The following DBNL variants were observed in gnomAD, a reference collection of about 807,000 sequenced individuals.
The protein encoded by DBNL is drebrin like, also known as drebrin-like protein.
DBNL carries 35 observed loss-of-function variants against 62.2 expected under a neutral mutation model. That is an observed-to-expected ratio of 0.56 (90% CI 0.43 to 0.75). DBNL has a LOEUF of 0.75. Among genes scored for constraint, DBNL ranks in the 30% least tolerant of loss-of-function variants. DBNL has a pLI of 0.00. For synonymous variants in DBNL, 197 were observed against 218.0 expected, an observed-to-expected ratio of 0.90 and a Z score of 0.85; for missense variants, 495 against 578.4, an observed-to-expected ratio of 0.86 and a Z score of 1.48.
At position 44,065,494 on chromosome 7, in the gene DBNL, G is replaced by A. The variant is rs369660945; in HGVS notation, c.*4578G>A. ...GGTTCTCCTGGTTCCATGTGCTCTC[G>A]CCGTGCCGGACCATCACGAGGCGGT... is the stretch of plus-strand genomic sequence containing the variant. On this transcript the variant is annotated 3_prime_UTR_variant, in exon 13 of 13. Coordinates refer to ENST00000448521, the MANE Select transcript of DBNL (RefSeq NM_001014436.3). 3.5e-5 allele frequency: 57 copies of A among 1,613,910 alleles called. No homozygotes were observed. In the Middle Eastern group the frequency reaches 1.3e-3, roughly 37 times the overall value.
intron 8 of DBNL, chr7:44,058,684 G>T: frequency 1.2e-6 from 1 of 833,090 alleles, no homozygotes; most frequent in Non-Finnish European, 1.9e-6. Flanking sequence ...ACCTGGTCCT[G>T]GGGGAGGCCC....
chr7:44,064,448 C>T lies in DBNL; in HGVS notation c.*3532C>T, dbSNP rs79731102. ...TACCAGGGGGAGCTCCCCACCACCC[C>T]GGAAAAGGGAGAGGCCCAGAGATGG... On this transcript the variant is annotated 3_prime_UTR_variant, in exon 13 of 13. Coordinates refer to ENST00000448521, the MANE Select transcript of DBNL (RefSeq NM_001014436.3). The T allele has an allele frequency of 1.2e-4, 37 of 313,742 alleles. No homozygotes were observed. In the East Asian group the frequency reaches 3.2e-3, roughly 27 times the overall value. 19.4% of individuals were successfully genotyped at this position (313,742 alleles called of 1,614,324 possible).
chr7:44,046,666 A>G (rs2096117816), intron 1 of DBNL, among the ~76,000 whole-genome samples: 2 of 152,208 alleles, frequency 1.3e-5, no homozygotes. Flanking sequence ...GTCACTCAGC[A>G]GCATAACCCA....
chr7:44,064,730 G>A lies in DBNL; in HGVS notation c.*3814G>A, dbSNP rs566162783. ...TTCAGTGAATGATGTGGAGCCCCAC[G>A]CCTAGAAAGCCTGGTCCATGGGCGA... is the stretch of plus-strand genomic sequence containing the variant. On this transcript the variant is annotated 3_prime_UTR_variant, in exon 13 of 13. Transcript: ENST00000448521. 56 of 1,015,486 alleles carry A rather than the reference G, an allele frequency of 5.5e-5. No homozygotes were observed. The highest frequency in any genetic ancestry group is 3.7e-4 in the South Asian group (27 of 73,012). The allele number at this position is 1,015,486 out of a possible 1,614,324, so 62.9% of individuals were successfully genotyped here. A position where few individuals can be genotyped will look rare whatever the true frequency, so the allele number is the denominator to read the frequency against.
At position 44,064,587 on chromosome 7, in the gene DBNL, GC is replaced by G; in HGVS notation, c.*3675del. 1 of 553,724 alleles carries G rather than the reference GC, an allele frequency of 1.8e-6. No homozygotes were observed. The highest frequency in any genetic ancestry group is 3.3e-6 in the Non-Finnish European group (1 of 307,434). 34.3% of individuals were successfully genotyped at this position (553,724 alleles called of 1,614,324 possible). A position where few individuals can be genotyped will look rare whatever the true frequency, so the allele number is the denominator to read the frequency against. ...TTGGCAGATGCCACCTTTGGAGCCT[GC>G]CCCACCTCGGGACACAGCGAGCTTC... is the stretch of plus-strand genomic sequence containing the variant. On this transcript the variant is annotated 3_prime_UTR_variant, in exon 13 of 13. Transcript: ENST00000448521.
intron 1 of DBNL, among the ~76,000 whole-genome samples, chr7:44,046,317 C>G (rs1451815718): frequency 2.0e-5 from 3 of 152,194 alleles, no homozygotes; most frequent in African/African-American, 7.2e-5. Context: ...CCTGGCACTC[C>G]TCATCTATCT....
intron 5 of DBNL, 138 bp from the exon 6 acceptor site, chr7:44,057,644 G>A (rs1370900899): frequency 9.5e-6 from 8 of 838,926 alleles, no homozygotes; most frequent in East Asian, 5.3e-5. Context: ...ACTGGGCAGT[G>A]CTCTGCTGCC....
chr7:44,045,694 G>T (rs1474045271), intron 1 of DBNL, among the ~76,000 whole-genome samples: 2 of 152,190 alleles, frequency 1.3e-5, no homozygotes, highest in Non-Finnish European at 2.9e-5. Flanking sequence ...CTTGTGTGGG[G>T]GCCATCTCCA....
intron 4 of DBNL, among the ~76,000 whole-genome samples, chr7:44,054,335 G>C (rs1250599119): frequency 6.6e-6 from 1 of 152,106 alleles, no homozygotes; most frequent in Non-Finnish European, 1.5e-5. Flanking sequence ...TGGGATTACA[G>C]GTGCCTGCCA....
At chr7:44,048,696 C>T (rs533311902) in intron 1 of DBNL, among the ~76,000 whole-genome samples, 1 of 152,308 alleles carries the variant, frequency 6.6e-6, no homozygotes, top group Non-Finnish European at 1.5e-5. Context: ...TGCTTTAGAG[C>T]CTGGGGAGAT....
Position 44,063,049 on chromosome 7 carries a change from C to T in DBNL, c.*2133C>T. On this transcript the variant is annotated 3_prime_UTR_variant, in exon 13 of 13. Transcript: ENST00000448521. ...TCCCCTGGCACCAATTCCTTCCCAGCCCTGAGAACGAGGCCACAGAAATGT... is the reference window on the plus strand; with the variant it reads ...TCCCCTGGCACCAATTCCTTCCCAGTCCTGAGAACGAGGCCACAGAAATGT... 1.8e-6 allele frequency: 2 copies of T among 1,088,970 alleles called. No homozygotes were observed. Among genetic ancestry groups the T allele is most frequent in the South Asian group, 2.6e-5 (2 of 77,390 alleles). 67.5% of individuals were successfully genotyped at this position (1,088,970 alleles called of 1,614,324 possible).
chr7:44,058,621 A>T, intron 8 of DBNL, 141 bp downstream of exon 8: 4 of 1,171,992 alleles, frequency 3.4e-6, no homozygotes, highest in Non-Finnish European at 4.8e-6. Flanking sequence ...GGGCACCTCA[A>T]GAGGTGGCAG....
At chr7:44,056,271 C>T (rs756572542) in intron 4 of DBNL, among the ~76,000 whole-genome samples, 5 of 151,980 alleles carry the variant, frequency 3.3e-5, no homozygotes, top group Non-Finnish European at 7.4e-5. Flanking sequence ...TGTGTTTATG[C>T]CTGTACCATG....
chr7:44,065,217 C>A lies in DBNL; in HGVS notation c.*4301C>A. 6.2e-7 allele frequency: 1 copy of A among 1,613,946 alleles called. No homozygotes were observed. Among genetic ancestry groups the A allele is most frequent in the Non-Finnish European group, 8.5e-7 (1 of 1,180,014 alleles). On this transcript the variant is annotated 3_prime_UTR_variant, in exon 13 of 13. Coordinates refer to ENST00000448521, the MANE Select transcript of DBNL (RefSeq NM_001014436.3). ...TTCACCTGCTCCTCCCCGTGCTTGG[C>A]GGCCGTTTCTGCCTTGTTGAGGCCT...
chr7:44,056,476 A>C lies in DBNL; in HGVS notation c.328-281A>C, dbSNP rs538821046. ...TTATGCCTGGGCTGTCTATTGATAC[A>C]CAGCAGGGAACAGCTACAGAAGGAA... On this transcript the variant is annotated intron_variant, in intron 4 of 12. Transcript: ENST00000448521. Among the ~76,000 whole-genome samples the C allele has an allele frequency of 9.2e-5, 14 of 152,352 alleles. No homozygotes were observed. The East Asian group carries it at 2.5e-3, about 27-fold the overall frequency.
At chr7:44,050,980 G>C (rs1465342793) in intron 2 of DBNL, 1 of 152,338 alleles carries the variant, frequency 6.6e-6, no homozygotes, top group Non-Finnish European at 1.5e-5. Flanking sequence ...CTTTCTGGGA[G>C]GTGTCCCCTT....
In DBNL at chr7:44,063,966, C is replaced by T. The variant is rs568580678; in HGVS notation, c.*3050C>T. On this transcript the variant is annotated 3_prime_UTR_variant, in exon 13 of 13. Coordinates refer to ENST00000448521, the MANE Select transcript of DBNL (RefSeq NM_001014436.3). The stretch of plus-strand genomic sequence containing the variant: ...AGGTGCCAGGTGTCCGTGTTTGGAG[C>T]GGGCAGGCTTGGGGCTGGCTGGGTC... 157 of 152,674 alleles carry T rather than the reference C, an allele frequency of 1.0e-3. No homozygotes were observed. Among genetic ancestry groups the T allele is most frequent in the Non-Finnish European group, 1.5e-3 (101 of 68,308 alleles). 9.5% of individuals were successfully genotyped at this position (152,674 alleles called of 1,614,324 possible). A position where few individuals can be genotyped will look rare whatever the true frequency, so the allele number is the denominator to read the frequency against.
At chr7:44,058,044 GCCATGTGC>G in intron 6 of DBNL, 77 bp from the exon 7 acceptor site, 1 of 1,526,888 alleles carries the variant, frequency 6.5e-7, no homozygotes, top group Non-Finnish European at 8.8e-7. Context: ...CCCGTCTTTG[GCCATGTGC>G]CTAAAACTCA....
Position 44,062,646 on chromosome 7 carries a change from G to A in DBNL, c.*1730G>A. 2 of 1,064,280 alleles carry A rather than the reference G, an allele frequency of 1.9e-6. No individual in the cohort carries two copies. The allele number at this position is 1,064,280 out of a possible 1,614,324, so 65.9% of individuals were successfully genotyped here. ...ACACGTATGGAGTGGGGGAGGGTGGGTGGCTGCACCCCTGGTTCTGGAGTC... is the reference window on the plus strand; with the variant it reads ...ACACGTATGGAGTGGGGGAGGGTGGATGGCTGCACCCCTGGTTCTGGAGTC... On this transcript the variant is annotated 3_prime_UTR_variant, in exon 13 of 13. Coordinates refer to ENST00000448521, the MANE Select transcript of DBNL (RefSeq NM_001014436.3).
Sources: gnomAD v4.1 joint callset for allele counts (sites outside exome capture counted in the v4.1 genomes callset) on GRCh38, gnomAD v4.1.1 for gene constraint, MANE v1.5 for transcripts, NCBI Gene and HGNC (gene_info 2026-07-23, HGNC 2026-07-21) for gene names.